BCKDHB: variants seen among roughly 807,000 people sequenced by gnomAD.
BCKDHB encodes branched chain keto acid dehydrogenase E1 subunit beta.
BCKDHB carries 41 observed loss-of-function variants against 48.5 expected under a neutral mutation model. The ratio of observed to expected loss-of-function variants is 0.85; its 90% confidence interval spans 0.66 to 1.10. BCKDHB has a LOEUF of 1.10. Among genes scored for constraint, BCKDHB ranks in the 50% least tolerant of loss-of-function variants. The pLI is 0.00. For synonymous variants in BCKDHB, 201 were observed against 174.8 expected (o/e 1.15, Z -1.18); for missense variants, 496 against 494.2 (o/e 1.00, Z -0.03).
At chr6:80,189,707 A>C (rs1047964057) in intron 6 of BCKDHB, among the ~76,000 whole-genome samples, 2 of 152,182 alleles carry the variant, frequency 1.3e-5, no homozygotes, top group African/African-American at 4.8e-5. Flanking sequence ...TAAGGCCATT[A>C]GGTATTTAGT....
chr6:80,383,683 A>T, the BCKDHB span, among the ~76,000 whole-genome samples: 1 of 152,018 alleles, frequency 6.6e-6, no homozygotes, highest in Non-Finnish European at 1.5e-5. Context: ...TGTTTTTTTA[A>T]TCAGTAGTAC....
the BCKDHB span, among the ~76,000 whole-genome samples, chr6:80,464,442 T>C: frequency 6.6e-6 from 1 of 152,146 alleles, no homozygotes; most frequent in Non-Finnish European, 1.5e-5. Flanking sequence ...TTTAAATCTT[T>C]AGTGATTCAC....
chr6:80,434,765 A>T, the BCKDHB span, among the ~76,000 whole-genome samples: 3 of 152,072 alleles, frequency 2.0e-5, no homozygotes, highest in Non-Finnish European at 4.4e-5. Flanking sequence ...TATATTATGA[A>T]ATCTCTCTAC....
At chr6:80,412,503 A>G in the BCKDHB span, among the ~76,000 whole-genome samples, 1 of 152,216 alleles carries the variant, frequency 6.6e-6, no homozygotes, top group East Asian at 1.9e-4. Flanking sequence ...AGTTATAATT[A>G]GTTTCAACAC....
At chr6:80,381,130 T>A in the BCKDHB span, among the ~76,000 whole-genome samples, 1 of 151,986 alleles carries the variant, frequency 6.6e-6, no homozygotes, top group Non-Finnish European at 1.5e-5. Flanking sequence ...TCTAATCTCC[T>A]TTTACCTTAT....
At chr6:80,218,585 G>A (rs1267812108) in intron 8 of BCKDHB, among the ~76,000 whole-genome samples, 1 of 152,052 alleles carries the variant, frequency 6.6e-6, no homozygotes, top group East Asian at 1.9e-4. Flanking sequence ...TCAGTTTTGA[G>A]TTATGATATT....
At chr6:80,302,185 A>C (rs1767618689) in intron 9 of BCKDHB, among the ~76,000 whole-genome samples, 1 of 152,166 alleles carries the variant, frequency 6.6e-6, no homozygotes, top group Non-Finnish European at 1.5e-5. Flanking sequence ...AAAGGCATTC[A>C]AATAAGAAAT....
chr6:80,212,566 A>G (rs1166309930), intron 8 of BCKDHB, among the ~76,000 whole-genome samples: 2 of 152,176 alleles, frequency 1.3e-5, no homozygotes, highest in African/African-American at 4.8e-5. Context: ...ATGTTTTACA[A>G]TCAATTTATA....
the BCKDHB span, among the ~76,000 whole-genome samples, chr6:80,405,022 T>G: frequency 1.3e-5 from 2 of 152,144 alleles, no homozygotes; most frequent in Non-Finnish European, 2.9e-5. Context: ...TTCTGTTGGA[T>G]GGACTGTTCT....
chr6:80,154,682 A>T (rs771021816), intron 3 of BCKDHB, among the ~76,000 whole-genome samples: 3 of 152,162 alleles, frequency 2.0e-5, no homozygotes, highest in Non-Finnish European at 4.4e-5. Flanking sequence ...TTTATAATGT[A>T]TTAAAAAGTA....
intron 9 of BCKDHB, among the ~76,000 whole-genome samples, chr6:80,313,133 G>T (rs1447472832): frequency 2.0e-5 from 3 of 152,076 alleles, no homozygotes; most frequent in African/African-American, 7.2e-5. Flanking sequence ...CAGGGATTCA[G>T]TTTCTTCCTG....
the BCKDHB span, among the ~76,000 whole-genome samples, chr6:80,463,972 T>C: frequency 6.6e-6 from 1 of 152,108 alleles, no homozygotes; most frequent in East Asian, 1.9e-4. Context: ...CCTACTTTCT[T>C]TGAATAACTC....
chr6:80,445,113 C>G, the BCKDHB span, among the ~76,000 whole-genome samples: 3 of 152,142 alleles, frequency 2.0e-5, no homozygotes, highest in Non-Finnish European at 4.4e-5. Context: ...TTGTTTATAT[C>G]TACCTTGGCA....
intron 6 of BCKDHB, among the ~76,000 whole-genome samples, chr6:80,186,325 A>G (rs1370114144): frequency 6.6e-6 from 1 of 152,108 alleles, no homozygotes; most frequent in Non-Finnish European, 1.5e-5. Context: ...CTGCTGTGTC[A>G]TACTGGTCGC....
the BCKDHB span, among the ~76,000 whole-genome samples, chr6:80,425,372 A>T: frequency 6.6e-6 from 1 of 152,212 alleles, no homozygotes; most frequent in African/African-American, 2.4e-5. Context: ...GAACTGTTAC[A>T]GATGCAACCA....
At chr6:80,210,547 G>A (rs1383852503) in intron 8 of BCKDHB, among the ~76,000 whole-genome samples, 1 of 152,004 alleles carries the variant, frequency 6.6e-6, no homozygotes, top group African/African-American at 2.4e-5. Flanking sequence ...CTCATTTGGT[G>A]CACCTTTTTT....
chr6:80,416,771 T>A, the BCKDHB span, among the ~76,000 whole-genome samples: 5 of 148,386 alleles, frequency 3.4e-5, no homozygotes, highest in Non-Finnish European at 7.5e-5. Flanking sequence ...TATTTTTATT[T>A]TTATTTTTTT....
the BCKDHB span, among the ~76,000 whole-genome samples, chr6:80,421,413 A>G: frequency 6.6e-6 from 1 of 152,168 alleles, no homozygotes; most frequent in Admixed American, 6.6e-5. Context: ...TAGCACTGGG[A>G]GTGGGGCACT....
intron 8 of BCKDHB, among the ~76,000 whole-genome samples, chr6:80,244,437 G>C (rs537270644): frequency 2.0e-5 from 3 of 152,184 alleles, no homozygotes; most frequent in Non-Finnish European, 4.4e-5. Flanking sequence ...AAATCAAATT[G>C]TGAGGAGCTC....
Sources: allele counts gnomAD v4.1 joint callset (sites outside exome capture counted in the v4.1 genomes callset), GRCh38; gene constraint gnomAD v4.1.1; transcripts MANE v1.5; gene names NCBI Gene and HGNC (gene_info 2026-07-23, HGNC 2026-07-21).